Variants in FAM120A observed in about 807,000 individuals in gnomAD.
The protein encoded by FAM120A is constitutive coactivator of PPAR-gamma-like protein 1.
Under a neutral mutation model 109.7 loss-of-function variants are expected in FAM120A, and 15 were observed. The observed-to-expected ratio is 0.14, with a 90% CI of 0.09 to 0.21. The LOEUF is 0.21. FAM120A is among the 10% of genes least tolerant of loss of function. The pLI is 1.00. For synonymous variants in FAM120A, 493 were observed against 572.8 expected, an observed-to-expected ratio of 0.86 and a Z score of 1.99; for missense variants, 899 against 1,439.3, an observed-to-expected ratio of 0.62 and a Z score of 6.07.
In FAM120A at chr9:93,557,872, G is replaced by A; in HGVS notation, c.2530G>A (p.Glu844Lys). 4 of 1,613,708 alleles carry A rather than the reference G, an allele frequency of 2.5e-6. No homozygotes were observed. The highest frequency in any genetic ancestry group is 3.4e-6 in the Non-Finnish European group (4 of 1,180,040). ...AGAGAAGATGCGCCAGAGCGTCCTC[G>A]AGGGGCTCAGCTTCTCCAGGCAGAG... ...KVEKMRQSVLEGLSFSRQSHT... is the reference protein window; with the variant it reads ...KVEKMRQSVLKGLSFSRQSHT... Residue 844 changes from glutamate (E) to lysine (K), a missense_variant, in exon 14 of 18, where the codon GAG (glutamate) becomes AAG (lysine). Around this residue, in one of 11 missense-constraint regions of FAM120A, gnomAD observed 129 missense variants for 153.4 expected, o/e 0.84. Transcript: ENST00000277165.
At chr9:93,522,250 A>G (rs1448329473) in intron 7 of FAM120A, among the ~76,000 whole-genome samples, 13 of 152,134 alleles carry the variant, frequency 8.5e-5, no homozygotes, top group Non-Finnish European at 1.9e-4. Flanking sequence ...TCTTGATACA[A>G]AGTTATATAG....
At chr9:93,527,566 C>T (rs1211480342) in intron 8 of FAM120A, among the ~76,000 whole-genome samples, 1 of 151,400 alleles carries the variant, frequency 6.6e-6, no homozygotes, top group Admixed American at 6.6e-5. Flanking sequence ...AATTTAACTC[C>T]CCCACCCCCC....
At chr9:93,492,783 A>G (rs931374462) in intron 3 of FAM120A, among the ~76,000 whole-genome samples, 10 of 152,162 alleles carry the variant, frequency 6.6e-5, no homozygotes, top group African/African-American at 2.4e-4. Flanking sequence ...GATTTAGGGG[A>G]CACTTTAATT....
intron 11 of FAM120A, among the ~76,000 whole-genome samples, chr9:93,549,883 G>A (rs1158797616): frequency 6.6e-6 from 1 of 152,208 alleles, no homozygotes; most frequent in Non-Finnish European, 1.5e-5. Context: ...TGTGCCTTGT[G>A]CAGTACTGTA....
At chr9:93,513,395 C>T (rs888545812) in intron 5 of FAM120A, among the ~76,000 whole-genome samples, 4 of 152,138 alleles carry the variant, frequency 2.6e-5, no homozygotes, top group African/African-American at 7.2e-5. Flanking sequence ...TGAGTGACCA[C>T]TTGATCATGC....
Position 93,493,523 on chromosome 9 carries a change from C to G in FAM120A, c.805-3948C>G, listed in dbSNP as rs138523411. Among the ~76,000 whole-genome samples, 549 of 152,332 alleles carry G rather than the reference C, an allele frequency of 3.6e-3. 4 individuals carry two copies. The highest frequency in any genetic ancestry group is 0.012 in the African/African-American group (511 of 41,566). On this transcript the variant is annotated intron_variant, in intron 3 of 17. Coordinates refer to ENST00000277165, the MANE Select transcript of FAM120A (RefSeq NM_014612.5). The stretch of plus-strand genomic sequence containing the variant: ...ACCTTACAATCCTAATGCTATCTAT[C>G]AAACTTGAGTGAGAGCAGTTTCAGC...
chr9:93,543,301 C>A lies in FAM120A; in HGVS notation c.1989C>A (p.Ala663=), dbSNP rs1861769863. 6.2e-7 allele frequency: 1 copy of A among 1,614,104 alleles called. No homozygotes were observed. The highest frequency in any genetic ancestry group is 8.5e-7 in the Non-Finnish European group (1 of 1,180,056). Residue 663 remains alanine, a synonymous_variant, in exon 11 of 18, where the codon GCC becomes GCA. Coordinates refer to ENST00000277165, the MANE Select transcript of FAM120A (RefSeq NM_014612.5). ...CCCCGGAACTGGTTGAAGCTCTTGC[C>A]TTCAGGGAGTGGACCTGCCCCAACC... ...PQTPELVEAL[A]FREWTCPNLK...
Position 93,532,325 on chromosome 9 carries a change from A to G in FAM120A, c.1905A>G (p.Pro635=), listed in dbSNP as rs970843326. The change falls in exon 10 of 18, where the codon CCA becomes CCG. Residue 635 remains proline, a synonymous_variant. Transcript: ENST00000277165. The surrounding 1 kb of genome is among the most constrained non-coding windows in gnomAD (Gnocchi z 4.3). Reference sequence around the variant, plus strand: ...CTTTTAGAAAGAACAGACTTCCACCAGAATGTATGTACTGTAACAATCCAT... The same window carrying G: ...CTTTTAGAAAGAACAGACTTCCACCGGAATGTATGTACTGTAACAATCCAT... ...RLAFRKNRLP[P]EFSPVIIKEW... is the part of the protein sequence containing the mutation. 5 of 1,614,154 alleles carry G rather than the reference A, an allele frequency of 3.1e-6. No individual in the cohort carries two copies. The highest frequency in any genetic ancestry group is 4.2e-6 in the Non-Finnish European group (5 of 1,179,966).
At chr9:93,481,366 T>A (rs975726474) in intron 3 of FAM120A, among the ~76,000 whole-genome samples, 2 of 152,218 alleles carry the variant, frequency 1.3e-5, no homozygotes, top group Admixed American at 6.5e-5. Flanking sequence ...TTTATTTTTT[T>A]AAAAAAACAT....
At chr9:93,539,013 T>C (rs1221882044) in intron 10 of FAM120A, among the ~76,000 whole-genome samples, 1 of 151,934 alleles carries the variant, frequency 6.6e-6, no homozygotes, top group Non-Finnish European at 1.5e-5. Flanking sequence ...TTTTTTTTTT[T>C]TTGAGACGGA....
intron 7 of FAM120A, among the ~76,000 whole-genome samples, chr9:93,519,099 G>A (rs2131422505): frequency 6.6e-6 from 1 of 152,236 alleles, no homozygotes; most frequent in Non-Finnish European, 1.5e-5. Flanking sequence ...CTTTGGAGGT[G>A]AGTTTACTCA....
intron 3 of FAM120A, among the ~76,000 whole-genome samples, chr9:93,483,942 A>G (rs1011334334): frequency 1.3e-5 from 2 of 151,732 alleles, no homozygotes; most frequent in African/African-American, 4.8e-5. Context: ...TGTGTCCTCT[A>G]TTGCCTGTTT....
intron 9 of FAM120A, 53 bp downstream of exon 9, chr9:93,529,633 C>A: frequency 1.3e-6 from 2 of 1,489,030 alleles, no homozygotes; most frequent in Non-Finnish European, 1.9e-6. Flanking sequence ...AGTGGCCATT[C>A]CTATGGGTGT....
chr9:93,488,230 T>C (rs527429628), intron 3 of FAM120A, among the ~76,000 whole-genome samples: 2 of 152,314 alleles, frequency 1.3e-5, no homozygotes, highest in South Asian at 4.1e-4. Flanking sequence ...GACTACCATC[T>C]TGTGTTTCCA....
At chr9:93,529,925 G>T in intron 9 of FAM120A, 2 of 504,956 alleles carry the variant, frequency 4.0e-6, no homozygotes, top group Non-Finnish European at 7.0e-6. Context: ...TGTAATGTCA[G>T]GTTTAATTCT....
At chr9:93,556,702 T>A (rs1373799194) in intron 13 of FAM120A, 111 bp downstream of exon 13, 3 of 1,156,754 alleles carry the variant, frequency 2.6e-6, no homozygotes, top group Non-Finnish European at 3.8e-6. Flanking sequence ...AGATTCTGTT[T>A]TAGGTTGGGC....
chr9:93,476,939 AT>A (rs1858575072), intron 3 of FAM120A, among the ~76,000 whole-genome samples: 1 of 152,162 alleles, frequency 6.6e-6, no homozygotes, highest in Admixed American at 6.5e-5. Flanking sequence ...TGATGTGAGC[AT>A]AGGAGTAATG....
intron 1 of FAM120A, among the ~76,000 whole-genome samples, chr9:93,458,158 A>C (rs1857636444): frequency 6.6e-6 from 1 of 151,218 alleles, no homozygotes; most frequent in South Asian, 2.1e-4. Flanking sequence ...CACCTCTCTC[A>C]TCTGGCATCC....
intron 2 of FAM120A, among the ~76,000 whole-genome samples, chr9:93,475,052 G>T (rs1398273339): frequency 6.6e-6 from 1 of 152,188 alleles, no homozygotes; most frequent in South Asian, 2.1e-4. Flanking sequence ...GAATACAGGT[G>T]GAGTGTCCCT....
Sources: allele counts gnomAD v4.1 joint callset (sites outside exome capture counted in the v4.1 genomes callset), GRCh38; gene constraint gnomAD v4.1.1; regional missense constraint gnomAD v4.1.1; non-coding constraint Gnocchi (gnomAD v3.1); transcripts MANE v1.5; gene names NCBI Gene and HGNC (gene_info 2026-07-23, HGNC 2026-07-21).